BMAL1: variants seen among roughly 807,000 people sequenced by gnomAD.
The protein encoded by BMAL1 is basic helix-loop-helix ARNT-like protein 1.
chr11:13,291,556 C>T, the BMAL1 span, among the ~76,000 whole-genome samples: 1 of 152,170 alleles, frequency 6.6e-6, no homozygotes, highest in South Asian at 2.1e-4. Context: ...AGAGTTTAAG[C>T]AACTGTCCAG....
the BMAL1 span, among the ~76,000 whole-genome samples, chr11:13,294,976 A>G: frequency 6.6e-6 from 1 of 152,014 alleles, no homozygotes; most frequent in Non-Finnish European, 1.5e-5. Flanking sequence ...CCTCTTTATC[A>G]TTGCTCAGGT....
chr11:13,335,114 G>A, the BMAL1 span, among the ~76,000 whole-genome samples: 2 of 152,142 alleles, frequency 1.3e-5, no homozygotes, highest in Non-Finnish European at 2.9e-5. Context: ...CAAAAATAGG[G>A]CTATGAGAGT....
the BMAL1 span, chr11:13,354,765 C>G: frequency 1.9e-5 from 6 of 318,318 alleles, no homozygotes; most frequent in East Asian, 2.3e-4. Context: ...CTCCTTTGAG[C>G]AAGAGGGTTA....
chr11:13,307,646 T>A, the BMAL1 span, among the ~76,000 whole-genome samples: 1 of 152,260 alleles, frequency 6.6e-6, no homozygotes, highest in Non-Finnish European at 1.5e-5. Context: ...TATTGCTTCT[T>A]CAGAAGTGTT....
the BMAL1 span, among the ~76,000 whole-genome samples, chr11:13,357,935 C>T: frequency 3.3e-5 from 5 of 152,162 alleles, no homozygotes; most frequent in East Asian, 3.9e-4. The surrounding 1 kb of genome is among the most constrained non-coding windows in gnomAD (Gnocchi z 4.8). Context: ...CCAAGGATGA[C>T]GGCGTTGGTT....
At chr11:13,339,780 C>G in the BMAL1 span, among the ~76,000 whole-genome samples, 3 of 152,134 alleles carry the variant, frequency 2.0e-5, no homozygotes, top group African/African-American at 4.8e-5. Flanking sequence ...GCCTCCTCCC[C>G]ATCTCTGACT....
chr11:13,338,191 T>G, the BMAL1 span, among the ~76,000 whole-genome samples: 4,672 of 152,222 alleles, frequency 0.031, 261 homozygotes, highest in African/African-American at 0.11. Context: ...TTTGTGGGTT[T>G]TTTTTTTAAA....
chr11:13,373,622 T>G, the BMAL1 span, among the ~76,000 whole-genome samples: 3 of 152,310 alleles, frequency 2.0e-5, no homozygotes, highest in Admixed American at 2.0e-4. Flanking sequence ...TCCTCCCACC[T>G]CAGCCTCCCA....
chr11:13,308,226 G>A, the BMAL1 span, among the ~76,000 whole-genome samples: 45 of 152,100 alleles, frequency 3.0e-4, no homozygotes, highest in East Asian at 3.8e-4. Flanking sequence ...AAACTGAGGC[G>A]GACACAACGC....
chr11:13,293,983 T>C, the BMAL1 span, among the ~76,000 whole-genome samples: 38 of 152,348 alleles, frequency 2.5e-4, no homozygotes, highest in African/African-American at 8.7e-4. Context: ...AAACAATATG[T>C]ATTAATAGAA....
the BMAL1 span, among the ~76,000 whole-genome samples, chr11:13,291,307 A>T: frequency 6.6e-6 from 1 of 152,222 alleles, no homozygotes; most frequent in African/African-American, 2.4e-5. Flanking sequence ...AACTACATAT[A>T]GTTGCAAAGA....
the BMAL1 span, among the ~76,000 whole-genome samples, chr11:13,298,965 A>G: frequency 1.3e-5 from 2 of 152,076 alleles, no homozygotes; most frequent in Non-Finnish European, 2.9e-5. Flanking sequence ...GCCTGTTCAG[A>G]TTTGTATCTC....
At chr11:13,288,508 T>C in the BMAL1 span, among the ~76,000 whole-genome samples, 1 of 151,076 alleles carries the variant, frequency 6.6e-6, no homozygotes, top group South Asian at 2.1e-4. Context: ...TTTAGCCCAC[T>C]CTTTCATTTT....
the BMAL1 span, among the ~76,000 whole-genome samples, chr11:13,384,155 A>T: frequency 6.6e-6 from 1 of 152,200 alleles, no homozygotes; most frequent in Non-Finnish European, 1.5e-5. Context: ...CACTTTAAGG[A>T]AAATGACTGA....
At chr11:13,319,944 C>A in the BMAL1 span, among the ~76,000 whole-genome samples, 1 of 152,214 alleles carries the variant, frequency 6.6e-6, no homozygotes, top group Non-Finnish European at 1.5e-5. Context: ...GCCTACAACA[C>A]CCCATGGCTG....
the BMAL1 span, among the ~76,000 whole-genome samples, chr11:13,278,397 C>T: frequency 6.6e-6 from 1 of 152,222 alleles, no homozygotes; most frequent in African/African-American, 2.4e-5. Context: ...CCCGAGGGGA[C>T]CATGCCTGGT....
At chr11:13,382,241 T>A in the BMAL1 span, among the ~76,000 whole-genome samples, 2 of 152,070 alleles carry the variant, frequency 1.3e-5, no homozygotes, top group Admixed American at 1.3e-4. Context: ...AAAAAGCGTT[T>A]TGCTCCCCCC....
chr11:13,385,732 T>A, the BMAL1 span: 1 of 1,613,798 alleles, frequency 6.2e-7, no homozygotes. Flanking sequence ...AGTGGCCTAC[T>A]ATCAGGCCAG....
chr11:13,310,224 C>G, the BMAL1 span, among the ~76,000 whole-genome samples: 11 of 152,242 alleles, frequency 7.2e-5, no homozygotes, highest in South Asian at 2.3e-3. Context: ...AAAGTGAAAT[C>G]TCACTGTAGG....
Sources: gnomAD v4.1 joint callset for allele counts (sites outside exome capture counted in the v4.1 genomes callset) on GRCh38, gnomAD v4.1.1 for gene constraint, Gnocchi (gnomAD v3.1) non-coding constraint, MANE v1.5 for transcripts, NCBI Gene and HGNC (gene_info 2026-07-23, HGNC 2026-07-21) for gene names.